Variants in ANKDD1B observed in about 807,000 individuals in gnomAD.
The protein encoded by ANKDD1B is ankyrin repeat and death domain-containing protein 1B.
A neutral mutation model predicts 59.7 loss-of-function variants in ANKDD1B; 57 were observed. The ratio of observed to expected loss-of-function variants is 0.95; its 90% CI spans 0.77 to 1.19. ANKDD1B has a LOEUF of 1.19. Ranked by LOEUF, ANKDD1B falls within the 50% of genes most tolerant of loss-of-function variation. The pLI, the probability that ANKDD1B is intolerant of heterozygous loss-of-function variation, is 0.00. For synonymous variants in ANKDD1B, 216 were observed against 239.5 expected (o/e 0.90, Z 0.91); for missense variants, 602 against 641.9 (o/e 0.94, Z 0.67).
chr5:75,619,490 TGA>T (rs1482970062), intron 2 of ANKDD1B, among the ~76,000 whole-genome samples: 1 of 152,232 alleles, frequency 6.6e-6, no homozygotes, highest in Non-Finnish European at 1.5e-5. Flanking sequence ...TATTTTCTTT[TGA>T]GAGTATCTCT....
chr5:75,653,192 T>G lies in ANKDD1B; in HGVS notation c.849T>G (p.Leu283=). 1 of 1,536,130 alleles carries G rather than the reference T, an allele frequency of 6.5e-7. No individual in the cohort carries two copies. Among genetic ancestry groups the G allele is most frequent in the Non-Finnish European group, 8.7e-7 (1 of 1,146,892 alleles). The change falls in exon 8 of 14, where the codon CTT becomes CTG. Residue 283 remains leucine, a synonymous_variant. Coordinates refer to ENST00000601380, the MANE Select transcript of ANKDD1B (RefSeq NM_001276713.2). ...CAACCAGGAACGGCCATGCATCCCT[T>G]GTCAACTTTCTTCTCAGTGAGAACG... is the stretch of plus-strand genomic sequence containing the variant. ...QIATRNGHAS[L]VNFLLSENVD... is the part of the protein sequence containing the mutation.
chr5:75,666,858 C>G lies in ANKDD1B; in HGVS notation c.1258C>G (p.Leu420Val), dbSNP rs766599865. 9 of 1,536,050 alleles carry G rather than the reference C, an allele frequency of 5.9e-6. No individual in the cohort carries two copies. In the South Asian group the frequency reaches 1.1e-4, roughly 18 times the overall value. ...FTLTFKQDHS[L>V]ETRHIRTLLW... ...TCTGACATTCAAGCAAGATCACAGT[C>G]TGGAGACCAGACACATTCGCACGCT... Residue 420 changes from leucine to valine, a missense_variant, in exon 12 of 14, where the codon CTG (leucine) becomes GTG (valine). Around this residue, in one of 3 missense-constraint regions of ANKDD1B, gnomAD observed 280 missense variants for 319.8 expected, o/e 0.88. Transcript: ENST00000601380.
chr5:75,663,338 A>T, intron 10 of ANKDD1B, 56 bp from the exon 11 acceptor site: 1 of 1,260,984 alleles, frequency 7.9e-7, no homozygotes, highest in Non-Finnish European at 1.1e-6. Context: ...TTCCAAAACT[A>T]GAGCTCCTAA....
chr5:75,651,537 A>G (rs533125327), intron 7 of ANKDD1B, among the ~76,000 whole-genome samples: 21 of 152,338 alleles, frequency 1.4e-4, no homozygotes, highest in African/African-American at 5.1e-4. Context: ...AGCTGCAAGT[A>G]GAAATTATGC....
At chr5:75,667,138 T>TA (rs1189236698) in intron 12 of ANKDD1B, 145 bp downstream of exon 12, 20 of 520,248 alleles carry the variant, frequency 3.8e-5, no homozygotes, top group African/African-American at 3.8e-4. Flanking sequence ...GCAGTTAGCT[T>TA]AGGTCCACAC....
intron 3 of ANKDD1B, among the ~76,000 whole-genome samples, chr5:75,623,015 CT>C (rs1773896757): frequency 6.6e-6 from 1 of 152,068 alleles, no homozygotes; most frequent in South Asian, 2.1e-4. Context: ...TAGGAATTAC[CT>C]TTTAGGGAAA....
chr5:75,616,996 A>C, intron 2 of ANKDD1B, 89 bp downstream of exon 2: 4 of 612,280 alleles, frequency 6.5e-6, no homozygotes, highest in Non-Finnish European at 1.1e-5. Context: ...AAAAATAAAA[A>C]TCATGGTGCT....
chr5:75,612,478 G>T (rs1405053287), intron 1 of ANKDD1B, among the ~76,000 whole-genome samples: 2 of 152,052 alleles, frequency 1.3e-5, no homozygotes, highest in African/African-American at 4.8e-5. Flanking sequence ...TCTTAACGGG[G>T]CACACCATCC....
intron 10 of ANKDD1B, among the ~76,000 whole-genome samples, chr5:75,661,409 A>G (rs1775142989): frequency 7.6e-6 from 1 of 131,838 alleles, no homozygotes; most frequent in African/African-American, 4.1e-5. Context: ...AAAAAAAAAA[A>G]AAAAAAAAAA....
intron 5 of ANKDD1B, among the ~76,000 whole-genome samples, chr5:75,628,841 T>C (rs548796094): frequency 2.0e-5 from 3 of 152,296 alleles, no homozygotes; most frequent in African/African-American, 7.2e-5. Flanking sequence ...CCAGGAGTTA[T>C]GAATAAAGTA....
chr5:75,655,793 G>A (rs1214535168), intron 8 of ANKDD1B, among the ~76,000 whole-genome samples: 1 of 152,206 alleles, frequency 6.6e-6, no homozygotes, highest in Non-Finnish European at 1.5e-5. Context: ...CATAGTAGGT[G>A]CTTAGTATGT....
intron 11 of ANKDD1B, among the ~76,000 whole-genome samples, chr5:75,666,581 C>G (rs1349329136): frequency 6.6e-6 from 1 of 151,146 alleles, no homozygotes; most frequent in Non-Finnish European, 1.5e-5. Context: ...CTGTGTCAGA[C>G]AGACGGTACC....
intron 6 of ANKDD1B, 102 bp from the exon 7 acceptor site, chr5:75,635,682 A>ACTT: frequency 2.9e-6 from 2 of 686,494 alleles, no homozygotes; most frequent in African/African-American, 3.6e-5. Context: ...CGCAGCTTTA[A>ACTT]CCAAAATGAA....
chr5:75,663,477 C>CTTCT lies in ANKDD1B; in HGVS notation c.1179_1180insTTCT (p.Ala394PhefsTer9). 1 of 1,536,284 alleles carries CTTCT rather than the reference C, an allele frequency of 6.5e-7. No homozygotes were observed. The highest frequency in any genetic ancestry group is 1.2e-5 in the South Asian group (1 of 84,066). ...TGCTCATTAAAGCAGAGAGATACTA[C>CTTCT]GCCTGGAGAGAGGTAAGGAAGGACG... On this transcript the variant is annotated frameshift_variant, in exon 11 of 14. Transcript: ENST00000601380. LOFTEE classifies it high-confidence loss of function.
intron 6 of ANKDD1B, chr5:75,635,391 A>G: frequency 5.2e-6 from 1 of 193,134 alleles, no homozygotes; most frequent in Non-Finnish European, 1.1e-5. Context: ...ATTCCTAGAT[A>G]TGGAATTGTG....
At chr5:75,634,169 G>A (rs2112977225) in intron 5 of ANKDD1B, among the ~76,000 whole-genome samples, 1 of 152,280 alleles carries the variant, frequency 6.6e-6, no homozygotes, top group East Asian at 1.9e-4. Flanking sequence ...TTTTCTTGAT[G>A]ACATTTTGGC....
intron 3 of ANKDD1B, among the ~76,000 whole-genome samples, chr5:75,621,167 G>A (rs1472344978): frequency 1.3e-5 from 2 of 152,166 alleles, no homozygotes; most frequent in Admixed American, 6.5e-5. Context: ...TTGGCTTGGG[G>A]GAGGGGGCAG....
At chr5:75,636,201 T>C (rs1007515253) in intron 7 of ANKDD1B, among the ~76,000 whole-genome samples, 3 of 152,204 alleles carry the variant, frequency 2.0e-5, no homozygotes, top group Non-Finnish European at 2.9e-5. Context: ...CATGCAATAA[T>C]AGAAGTCTAC....
At position 75,617,028 on chromosome 5, in the gene ANKDD1B, C is replaced by G. The variant is rs930004107; in HGVS notation, c.297+121C>G. The G allele has an allele frequency of 9.5e-6, 5 of 526,772 alleles. No individual in the cohort carries two copies. The African/African-American group carries it at 9.6e-5, about 10-fold the overall frequency. The allele number at this position is 526,772 out of a possible 1,614,324, so 32.6% of individuals were successfully genotyped here. A position where few individuals can be genotyped will look rare whatever the true frequency, so the allele number is the denominator to read the frequency against. On this transcript the variant is annotated intron_variant, in intron 2 of 13. Transcript: ENST00000601380. ...TGCTGGCTGAGATAAGGGAGAGCTGCTTTGTTGGTAATCCCGGGGTGTTTA... is the reference window on the plus strand; with the variant it reads ...TGCTGGCTGAGATAAGGGAGAGCTGGTTTGTTGGTAATCCCGGGGTGTTTA...
Sources: allele counts gnomAD v4.1 joint callset (sites outside exome capture counted in the v4.1 genomes callset), GRCh38; gene constraint gnomAD v4.1.1; regional missense constraint gnomAD v4.1.1; transcripts MANE v1.5; gene names NCBI Gene and HGNC (gene_info 2026-07-23, HGNC 2026-07-21).